MARCHF8: variants seen among roughly 807,000 people sequenced by gnomAD.
MARCHF8 encodes E3 ubiquitin-protein ligase MARCHF8.
A neutral mutation model predicts 51.6 loss-of-function variants in MARCHF8; 40 were observed. That is an observed-to-expected ratio of 0.77 (90% CI 0.60 to 1.01). MARCHF8 has a LOEUF of 1.01. MARCHF8 is among the 50% of genes least tolerant of loss of function. The pLI is 0.00. For synonymous variants in MARCHF8, 263 were observed against 280.3 expected (o/e 0.94, Z 0.62); for missense variants, 685 against 708.6 (o/e 0.97, Z 0.38).
At chr10:45,573,617 A>T (rs1448264665) in intron 1 of MARCHF8, among the ~76,000 whole-genome samples, 1 of 152,076 alleles carries the variant, frequency 6.6e-6, no homozygotes, top group Non-Finnish European at 1.5e-5. Context: ...AGCCCCTGGA[A>T]CTCCGGCCCA....
At position 45,468,281 on chromosome 10, in the gene MARCHF8, C is replaced by G. The variant is rs1843037237; in HGVS notation, c.154-3954G>C. Reference sequence around the variant, plus strand: ...TTTTCTCAGTTCCCTTCTGAGAGTGCCTGCTGTCGCTGGAGCAGCTATAGC... The same window carrying G: ...TTTTCTCAGTTCCCTTCTGAGAGTGGCTGCTGTCGCTGGAGCAGCTATAGC... On this transcript the variant is annotated intron_variant, in intron 3 of 7. Transcript: ENST00000453424. 2.6e-5 allele frequency among the ~76,000 whole-genome samples: 4 copies of G among 152,306 alleles called. No individual in the cohort carries two copies. The South Asian group carries it at 8.3e-4, about 32-fold the overall frequency.
intron 3 of MARCHF8, among the ~76,000 whole-genome samples, chr10:45,474,246 C>CA (rs2042746406): frequency 6.6e-6 from 1 of 152,210 alleles, no homozygotes; most frequent in Non-Finnish European, 1.5e-5. Flanking sequence ...AGACAGCCTG[C>CA]AGGTGGGGGC....
In MARCHF8 at chr10:45,581,809, G is replaced by C. The variant is rs1347848775; in HGVS notation, c.-79+12426C>G. 2.0e-5 allele frequency among the ~76,000 whole-genome samples: 3 copies of C among 152,028 alleles called. No homozygotes were observed. In the East Asian group the frequency reaches 5.8e-4, roughly 29 times the overall value. ...CAAAGTTCCCAGCTTAGTTTACGGGGAAAGTGTCAAGCTTTCAAAGATCAC... is the reference window on the plus strand; with the variant it reads ...CAAAGTTCCCAGCTTAGTTTACGGGCAAAGTGTCAAGCTTTCAAAGATCAC... On this transcript the variant is annotated intron_variant, in intron 1 of 6. Transcript: ENST00000319836.
upstream of MARCHF8, among the ~76,000 whole-genome samples, chr10:45,539,187 T>A (rs950456043): frequency 6.6e-6 from 1 of 152,130 alleles, no homozygotes; most frequent in South Asian, 2.1e-4. Context: ...CTCAACTACA[T>A]GGAAACTGAA....
At chr10:45,482,091 A>T (rs923171581) in intron 3 of MARCHF8, among the ~76,000 whole-genome samples, 19 of 152,220 alleles carry the variant, frequency 1.2e-4, no homozygotes, top group African/African-American at 4.6e-4. Flanking sequence ...TAAAATACCT[A>T]GAAATAAATT....
chr10:45,549,444 G>C (rs1006901421), intron 1 of MARCHF8, among the ~76,000 whole-genome samples: 1 of 152,204 alleles, frequency 6.6e-6, no homozygotes, highest in Non-Finnish European at 1.5e-5. Context: ...CCTTCTCCAT[G>C]TGGCCTTTTC....
At chr10:45,492,988 C>A (rs2043111901) in intron 2 of MARCHF8, among the ~76,000 whole-genome samples, 1 of 152,204 alleles carries the variant, frequency 6.6e-6, no homozygotes, top group Admixed American at 6.5e-5. Context: ...TCCAAAGTTT[C>A]AGATTTTGAA....
At chr10:45,487,639 G>A (rs957303834) in intron 3 of MARCHF8, among the ~76,000 whole-genome samples, 18 of 152,074 alleles carry the variant, frequency 1.2e-4, no homozygotes, top group Non-Finnish European at 2.2e-4. Flanking sequence ...GGTTGGATGG[G>A]AAAAAATATT....
intron 1 of MARCHF8, among the ~76,000 whole-genome samples, chr10:45,543,961 G>C (rs191973759): frequency 6.6e-6 from 1 of 151,926 alleles, no homozygotes; most frequent in African/African-American, 2.4e-5. Flanking sequence ...CTAGCTATTC[G>C]GGAAGCTGAG....
chr10:45,502,890 A>G (rs1180480316), intron 2 of MARCHF8, among the ~76,000 whole-genome samples: 1 of 152,320 alleles, frequency 6.6e-6, no homozygotes, highest in African/African-American at 2.4e-5. Context: ...ACAATTGACT[A>G]TTCTTTTTCT....
At chr10:45,478,942 A>G (rs1051049449) in intron 3 of MARCHF8, among the ~76,000 whole-genome samples, 1 of 152,172 alleles carries the variant, frequency 6.6e-6, no homozygotes, top group African/African-American at 2.4e-5. Context: ...AAAGAAGAAC[A>G]ATTCTTCTCT....
chr10:45,570,489 C>T (rs2044416957), intron 1 of MARCHF8, among the ~76,000 whole-genome samples: 1 of 152,130 alleles, frequency 6.6e-6, no homozygotes, highest in South Asian at 2.1e-4. Flanking sequence ...CTTCCTCTAT[C>T]ATATAAACCT....
At chr10:45,569,000 G>A (rs2044398459) in intron 1 of MARCHF8, among the ~76,000 whole-genome samples, 1 of 146,288 alleles carries the variant, frequency 6.8e-6, no homozygotes, top group South Asian at 2.1e-4. Flanking sequence ...GGGAGGCGGA[G>A]CTTGCAGTGA....
intron 2 of MARCHF8, among the ~76,000 whole-genome samples, chr10:45,520,885 T>C (rs1000215993): frequency 7.2e-5 from 11 of 152,252 alleles, no homozygotes; most frequent in African/African-American, 2.7e-4. Flanking sequence ...CTTTGTTGAA[T>C]GATACACATT....
chr10:45,475,686 C>G (rs988413565), intron 3 of MARCHF8, among the ~76,000 whole-genome samples: 1 of 152,130 alleles, frequency 6.6e-6, no homozygotes, highest in African/African-American at 2.4e-5. Context: ...GCCTGCTGCC[C>G]AGGAGCCCAA....
intron 1 of MARCHF8, among the ~76,000 whole-genome samples, chr10:45,561,345 G>A (rs1442968631): frequency 6.6e-6 from 1 of 151,128 alleles, no homozygotes; most frequent in Non-Finnish European, 1.5e-5. Context: ...CATGATCTCG[G>A]CTCACTGCAA....
In MARCHF8 at chr10:45,458,151, A is replaced by G; in HGVS notation, c.*88T>C. On this transcript the variant is annotated 3_prime_UTR_variant, in exon 8 of 8. Coordinates refer to ENST00000453424, the MANE Select transcript of MARCHF8 (RefSeq NM_001282866.2). Reference sequence around the variant, plus strand: ...AGTCACCTGTCCAGTCTATGCTATTAAAGGACATAAGAAAGGTATACAATT... The same window carrying G: ...AGTCACCTGTCCAGTCTATGCTATTGAAGGACATAAGAAAGGTATACAATT... 7.5e-7 allele frequency: 1 copy of G among 1,327,358 alleles called. No homozygotes were observed. Among genetic ancestry groups the G allele is most frequent in the Non-Finnish European group, 1.0e-6 (1 of 971,628 alleles). The allele number at this position is 1,327,358 out of a possible 1,614,324, so 82.2% of individuals were successfully genotyped here. A position where few individuals can be genotyped will look rare whatever the true frequency, so the allele number is the denominator to read the frequency against.
At chr10:45,479,767 T>C (rs1011812608) in intron 3 of MARCHF8, among the ~76,000 whole-genome samples, 1 of 152,236 alleles carries the variant, frequency 6.6e-6, no homozygotes, top group African/African-American at 2.4e-5. Flanking sequence ...CTTTAAAAAT[T>C]ATCCAGTCTT....
At chr10:45,556,956 G>A (rs1484402117) in intron 1 of MARCHF8, among the ~76,000 whole-genome samples, 2 of 151,812 alleles carry the variant, frequency 1.3e-5, no homozygotes, top group Admixed American at 1.3e-4. Context: ...TTTTCTTGTG[G>A]TAAAAAACAC....
Sources: allele counts gnomAD v4.1 joint callset (sites outside exome capture counted in the v4.1 genomes callset), GRCh38; gene constraint gnomAD v4.1.1; transcripts MANE v1.5; gene names NCBI Gene and HGNC (gene_info 2026-07-23, HGNC 2026-07-21).